Variants in ERBB4 observed in about 807,000 individuals in gnomAD.
ERBB4 encodes erb-b2 receptor tyrosine kinase 4.
Under a neutral mutation model 158.0 loss-of-function variants are expected in ERBB4, and 42 were observed. That is an observed-to-expected ratio of 0.27 (90% CI 0.21 to 0.34). The LOEUF (loss-of-function observed/expected upper bound fraction) is 0.34. Ranked by LOEUF, ERBB4 falls within the 10% of genes least tolerant of loss-of-function variation. The pLI is 1.00. For synonymous variants in ERBB4, 583 were observed against 558.7 expected, an observed-to-expected ratio of 1.04 and a Z score of -0.61; for missense variants, 1,333 against 1,624.1, an observed-to-expected ratio of 0.82 and a Z score of 3.08.
intron 3 of ERBB4, among the ~76,000 whole-genome samples, chr2:211,945,123 T>C (rs1171686035): frequency 1.3e-5 from 2 of 152,164 alleles, no homozygotes; most frequent in Non-Finnish European, 2.9e-5. Flanking sequence ...ACGGCACTTA[T>C]TTGTTGCTTT....
intron 2 of ERBB4, among the ~76,000 whole-genome samples, chr2:212,089,937 A>G (rs2125490051): frequency 6.6e-6 from 1 of 152,286 alleles, no homozygotes; most frequent in Non-Finnish European, 1.5e-5. Context: ...TGCTTAGAGC[A>G]AGCAGCCTAG....
intron 1 of ERBB4, among the ~76,000 whole-genome samples, chr2:212,412,732 C>T (rs2091533502): frequency 6.6e-6 from 1 of 152,158 alleles, no homozygotes; most frequent in Non-Finnish European, 1.5e-5. Context: ...TAGATCTCAG[C>T]TGAGACTTCC....
At chr2:211,883,641 C>A (rs1368975873) in intron 3 of ERBB4, among the ~76,000 whole-genome samples, 2 of 151,732 alleles carry the variant, frequency 1.3e-5, no homozygotes, top group East Asian at 3.9e-4. Flanking sequence ...CAAAAATTAT[C>A]CTGGCGTTGT....
chr2:212,117,748 T>C (rs1165672170), intron 2 of ERBB4, among the ~76,000 whole-genome samples: 3 of 145,980 alleles, frequency 2.1e-5, no homozygotes, highest in African/African-American at 7.3e-5. Flanking sequence ...TGTTATGTCA[T>C]AGATGTTTAA....
chr2:211,948,219 G>A (rs1245792098), intron 2 of ERBB4, among the ~76,000 whole-genome samples: 2 of 151,932 alleles, frequency 1.3e-5, no homozygotes, highest in Admixed American at 1.3e-4. Context: ...AGTGGATCAT[G>A]AGGTCAAGAG....
intron 1 of ERBB4, among the ~76,000 whole-genome samples, chr2:212,362,927 G>T (rs565849305): frequency 1.3e-5 from 2 of 151,194 alleles, no homozygotes; most frequent in Non-Finnish European, 3.0e-5. Context: ...TTTAAAATTT[G>T]TGCCATGAAG....
rs181890948 is a variant in ERBB4 at position 211,757,671 on chromosome 2, A to C, written c.557-6967T>G. Among the ~76,000 whole-genome samples, 591 of 152,354 alleles carry C rather than the reference A, an allele frequency of 3.9e-3. 3 individuals carry two copies. Among genetic ancestry groups the C allele is most frequent in the Middle Eastern group, 0.01 (3 of 294 alleles). On this transcript the variant is annotated intron_variant, in intron 4 of 27. Transcript: ENST00000342788. The stretch of plus-strand genomic sequence containing the variant: ...TGCTAATTTGTGACTGCCAGTGCAC[A>C]AAGTATCTTCTCCAGCATCACCTTA...
intron 20 of ERBB4, among the ~76,000 whole-genome samples, chr2:211,442,008 C>T (rs558987853): frequency 3.9e-5 from 6 of 152,102 alleles, no homozygotes; most frequent in African/African-American, 1.4e-4. Flanking sequence ...TCTCCTTTAC[C>T]CTTCAACAGA....
At chr2:211,651,606 T>G (rs2070986377) in intron 16 of ERBB4, among the ~76,000 whole-genome samples, 1 of 151,828 alleles carries the variant, frequency 6.6e-6, no homozygotes, top group Non-Finnish European at 1.5e-5. Context: ...AGCCTTCATA[T>G]CTGGGTCTAT....
intron 25 of ERBB4, among the ~76,000 whole-genome samples, chr2:211,402,196 G>A (rs2063058368): frequency 6.6e-6 from 1 of 151,878 alleles, no homozygotes; most frequent in Non-Finnish European, 1.5e-5. Flanking sequence ...TAATTCATCA[G>A]TGTTGTCTTT....
At chr2:211,888,697 G>T (rs62184535) in intron 3 of ERBB4, among the ~76,000 whole-genome samples, 895 of 138,380 alleles carry the variant, frequency 6.5e-3, no homozygotes, top group South Asian at 7.5e-3. Flanking sequence ...TGCGCGCACC[G>T]TGCGCGAGCC....
At chr2:211,402,622 T>C (rs1433694439) in intron 25 of ERBB4, among the ~76,000 whole-genome samples, 1 of 151,954 alleles carries the variant, frequency 6.6e-6, no homozygotes, top group Non-Finnish European at 1.5e-5. Flanking sequence ...CATATTCTCC[T>C]GCTTGGAAAT....
intron 3 of ERBB4, among the ~76,000 whole-genome samples, chr2:211,817,681 C>T (rs930646328): frequency 6.6e-6 from 1 of 152,082 alleles, no homozygotes; most frequent in Non-Finnish European, 1.5e-5. Context: ...AATATGGACA[C>T]ATGACTAAGT....
chr2:212,372,479 G>A (rs565401535), intron 1 of ERBB4, among the ~76,000 whole-genome samples: 1 of 152,128 alleles, frequency 6.6e-6, no homozygotes, highest in Non-Finnish European at 1.5e-5. Flanking sequence ...GCCAGGCGCG[G>A]TGGCTCACAC....
At chr2:211,974,866 A>G (rs1256011993) in intron 2 of ERBB4, among the ~76,000 whole-genome samples, 1 of 152,264 alleles carries the variant, frequency 6.6e-6, no homozygotes. Context: ...TAAATATTCA[A>G]TCACTGTTGA....
chr2:211,606,243 T>G (rs2125823447), intron 19 of ERBB4, among the ~76,000 whole-genome samples: 1 of 152,234 alleles, frequency 6.6e-6, no homozygotes, highest in Non-Finnish European at 1.5e-5. Context: ...CGGAATTATA[T>G]CTGGGCTATT....
At chr2:212,294,788 TA>T (rs1199564779) in intron 1 of ERBB4, among the ~76,000 whole-genome samples, 1 of 152,082 alleles carries the variant, frequency 6.6e-6, no homozygotes, top group Non-Finnish European at 1.5e-5. Context: ...ACCTTATATA[TA>T]AATAATACAG....
At chr2:212,498,179 A>G (rs1690688904) in intron 1 of ERBB4, among the ~76,000 whole-genome samples, 2 of 151,882 alleles carry the variant, frequency 1.3e-5, no homozygotes, top group African/African-American at 4.8e-5. Context: ...TGATGAGTGT[A>G]AAGATTTTGT....
intron 3 of ERBB4, among the ~76,000 whole-genome samples, chr2:211,942,335 TTTA>T (rs1349847205): frequency 2.2e-5 from 3 of 135,192 alleles, no homozygotes; most frequent in African/African-American, 9.0e-5. Context: ...AAGCATTTTA[TTTA>T]TTTATTTATT....
Sources: allele counts gnomAD v4.1 joint callset (sites outside exome capture counted in the v4.1 genomes callset), GRCh38; gene constraint gnomAD v4.1.1; transcripts MANE v1.5; gene names NCBI Gene and HGNC (gene_info 2026-07-23, HGNC 2026-07-21).